Variants in ADGRB3 observed in about 807,000 individuals in gnomAD.
ADGRB3 encodes adhesion G protein-coupled receptor B3.
A neutral mutation model predicts 193.4 loss-of-function variants in ADGRB3; 37 were observed. That is an observed-to-expected ratio of 0.19 (90% CI 0.15 to 0.25). The LOEUF is 0.25. Ranked by LOEUF, ADGRB3 falls within the 10% of genes least tolerant of loss-of-function variation. ADGRB3 has a pLI of 1.00. For synonymous variants in ADGRB3, 690 were observed against 644.2 expected, an observed-to-expected ratio of 1.07 and a Z score of -1.08; for missense variants, 1,637 against 1,852.9, an observed-to-expected ratio of 0.88 and a Z score of 2.14.
chr6:69,296,059 G>T (rs1034550196), intron 20 of ADGRB3, among the ~76,000 whole-genome samples: 2 of 152,086 alleles, frequency 1.3e-5, no homozygotes, highest in Admixed American at 1.3e-4. Context: ...CTTGTCTGTG[G>T]AGTTATGTTA....
intron 20 of ADGRB3, among the ~76,000 whole-genome samples, chr6:69,259,503 G>A (rs1171300701): frequency 2.0e-5 from 3 of 151,956 alleles, no homozygotes; most frequent in African/African-American, 7.3e-5. Flanking sequence ...AGACCATCCT[G>A]GCTAACACGG....
At chr6:69,338,864 TGGTGACA>T in intron 24 of ADGRB3, 45 bp from the exon 25 acceptor site, 2 of 1,517,554 alleles carry the variant, frequency 1.3e-6, no homozygotes, top group Admixed American at 3.8e-5. Flanking sequence ...AATTTTTTTT[TGGTGACA>T]ATTCAATATT....
chr6:69,040,345 CTT>C (rs1168159988), intron 13 of ADGRB3, among the ~76,000 whole-genome samples: 10 of 52,024 alleles, frequency 1.9e-4, no homozygotes, highest in South Asian at 2.5e-3. Context: ...TTCTTTCTTT[CTT>C]TCTTTCTTTC....
intron 20 of ADGRB3, among the ~76,000 whole-genome samples, chr6:69,264,412 AT>A (rs1766992145): frequency 6.6e-6 from 1 of 151,604 alleles, no homozygotes; most frequent in Non-Finnish European, 1.5e-5. Flanking sequence ...CTCTGGTTTT[AT>A]TACCCTGTCT....
intron 10 of ADGRB3, among the ~76,000 whole-genome samples, chr6:68,987,316 A>G (rs922335041): frequency 6.6e-6 from 1 of 152,148 alleles, no homozygotes; most frequent in Non-Finnish European, 1.5e-5. Context: ...AAAACTACCT[A>G]CAAAATCTTC....
At chr6:69,158,735 T>C (rs1022876568) in intron 17 of ADGRB3, among the ~76,000 whole-genome samples, 2 of 152,076 alleles carry the variant, frequency 1.3e-5, no homozygotes, top group African/African-American at 4.8e-5. Flanking sequence ...CTTGAAGATA[T>C]TATTTTTTTC....
intron 21 of ADGRB3, among the ~76,000 whole-genome samples, chr6:69,325,564 G>A (rs1428550286): frequency 6.6e-6 from 1 of 152,140 alleles, no homozygotes; most frequent in Non-Finnish European, 1.5e-5. Flanking sequence ...CTTTACTTGT[G>A]TTTATTAAGA....
chr6:68,796,269 A>G (rs181672091), intron 3 of ADGRB3, among the ~76,000 whole-genome samples: 84 of 151,972 alleles, frequency 5.5e-4, no homozygotes, highest in African/African-American at 1.9e-3. Flanking sequence ...TTATCAACAT[A>G]TTTTTTTATA....
At chr6:69,155,798 A>G (rs1774819122) in intron 17 of ADGRB3, among the ~76,000 whole-genome samples, 4 of 152,224 alleles carry the variant, frequency 2.6e-5, no homozygotes, top group African/African-American at 7.2e-5. Context: ...TAGTTTGACA[A>G]AATGGAGAAA....
intron 8 of ADGRB3, among the ~76,000 whole-genome samples, chr6:68,960,943 T>G (rs1422247928): frequency 6.6e-6 from 1 of 152,198 alleles, no homozygotes; most frequent in Non-Finnish European, 1.5e-5. Context: ...GATAAGGTGA[T>G]AAAATTAACA....
intron 13 of ADGRB3, among the ~76,000 whole-genome samples, chr6:69,043,758 T>C (rs1270257735): frequency 6.6e-6 from 1 of 152,206 alleles, no homozygotes; most frequent in Non-Finnish European, 1.5e-5. Flanking sequence ...GAAAAAGACA[T>C]TGAGACACAG....
intron 17 of ADGRB3, among the ~76,000 whole-genome samples, chr6:69,167,719 C>G (rs904641681): frequency 1.3e-5 from 2 of 152,044 alleles, no homozygotes; most frequent in African/African-American, 4.8e-5. Context: ...CAAAAATAAC[C>G]AGACCCCAGA....
intron 13 of ADGRB3, among the ~76,000 whole-genome samples, chr6:69,045,902 C>T (rs1771223250): frequency 6.6e-6 from 1 of 152,038 alleles, no homozygotes; most frequent in African/African-American, 2.4e-5. Context: ...TTAATCTAGA[C>T]TATGTTCAAA....
chr6:68,936,736 A>G, intron 5 of ADGRB3, 56 bp downstream of exon 5: 1 of 1,530,598 alleles, frequency 6.5e-7, no homozygotes, highest in Non-Finnish European at 8.9e-7. Context: ...CATGCTACGC[A>G]TTTGGAACGA....
chr6:69,311,684 GT>G (rs970706779), intron 20 of ADGRB3, among the ~76,000 whole-genome samples: 1 of 151,584 alleles, frequency 6.6e-6, no homozygotes. Flanking sequence ...TCAACACCCA[GT>G]TTTTCTTCCT....
intron 27 of ADGRB3, among the ~76,000 whole-genome samples, chr6:69,355,200 G>T (rs1441954377): frequency 6.6e-6 from 1 of 152,120 alleles, no homozygotes; most frequent in Non-Finnish European, 1.5e-5. Context: ...AACATTAATT[G>T]ATTTGCTTAA....
chr6:69,141,422 C>T (rs942450884), intron 17 of ADGRB3, among the ~76,000 whole-genome samples: 3 of 151,416 alleles, frequency 2.0e-5, no homozygotes, highest in South Asian at 2.1e-4. Context: ...TGCGCCCGGC[C>T]GGGGCAGGGA....
intron 3 of ADGRB3, among the ~76,000 whole-genome samples, chr6:68,757,983 T>C (rs527383278): frequency 2.0e-4 from 31 of 152,226 alleles, no homozygotes; most frequent in African/African-American, 7.2e-4. Context: ...CCTTTTAGAG[T>C]GTGTCCCTTC....
At chr6:69,058,874 T>G (rs1562141305) in intron 15 of ADGRB3, among the ~76,000 whole-genome samples, 1 of 152,224 alleles carries the variant, frequency 6.6e-6, no homozygotes, top group South Asian at 2.1e-4. Flanking sequence ...ATGTGGTCTA[T>G]CCTGGAAAAT....
Sources: allele counts gnomAD v4.1 joint callset (sites outside exome capture counted in the v4.1 genomes callset), GRCh38; gene constraint gnomAD v4.1.1; transcripts MANE v1.5; gene names NCBI Gene and HGNC (gene_info 2026-07-23, HGNC 2026-07-21).